PRSS23: variants seen among roughly 807,000 people sequenced by gnomAD.
The protein encoded by PRSS23 is protease, serine 23.
PRSS23 carries 25 observed loss-of-function variants against 34.7 expected under a neutral mutation model. That is an observed-to-expected ratio of 0.72 (90% CI 0.53 to 1.01). PRSS23 has a LOEUF of 1.01. Among genes scored for constraint, PRSS23 ranks in the 50% least tolerant of loss-of-function variants. The probability of loss-of-function intolerance (pLI) is 0.00; values close to 1 mark genes in which losing one functional copy is unlikely to be tolerated. For synonymous variants in PRSS23, 176 were observed against 186.6 expected (o/e 0.94, Z 0.46); for missense variants, 445 against 475.6 (o/e 0.94, Z 0.60).
intron 1 of PRSS23, chr11:86,821,594 C>T (rs760574323): frequency 1.9e-6 from 3 of 1,606,806 alleles, no homozygotes; most frequent in Non-Finnish European, 2.6e-6. Context: ...TAGCTCAAGA[C>T]AGAATTCCCT....
At chr11:86,952,515 T>A in exon 3 of PRSS23, 2 of 1,600,400 alleles carry the variant, frequency 1.2e-6, no homozygotes, top group South Asian at 2.2e-5. Flanking sequence ...AACAATGACT[T>A]GGAAGTTTGA....
intron 2 of PRSS23, among the ~76,000 whole-genome samples, chr11:86,839,069 C>A (rs1019722892): frequency 6.6e-4 from 92 of 138,910 alleles, no homozygotes; most frequent in South Asian, 2.1e-3. Flanking sequence ...AAAAAAAAAA[C>A]AACAGAGCGC....
At chr11:86,866,732 G>T (rs981606394) in intron 2 of PRSS23, among the ~76,000 whole-genome samples, 21 of 152,166 alleles carry the variant, frequency 1.4e-4, no homozygotes, top group Non-Finnish European at 2.4e-4. Flanking sequence ...AATCCCTCAT[G>T]AATAGATTGA....
chr11:86,814,761 C>T (rs138450114), downstream of PRSS23, among the ~76,000 whole-genome samples: 1 of 152,170 alleles, frequency 6.6e-6, no homozygotes, highest in Admixed American at 6.5e-5. Context: ...ACACTTGGGA[C>T]AGCTCTGCCC....
Position 86,879,312 on chromosome 11 carries a change from G to A in PRSS23, c.206+55719G>A, listed in dbSNP as rs1428751872. On this transcript the variant is annotated intron_variant, in intron 2 of 2. Transcript: ENST00000533902. Reference sequence around the variant, plus strand: ...AGGTGAGGAGCGTCTCTGCCCAGCCGCCCCGTCTGAGAAGTGAGGAGACCC... The same window carrying A: ...AGGTGAGGAGCGTCTCTGCCCAGCCACCCCGTCTGAGAAGTGAGGAGACCC... 1.5e-4 allele frequency among the ~76,000 whole-genome samples: 22 copies of A among 147,262 alleles called. 1 individual carries two copies. The highest frequency in any genetic ancestry group is 4.8e-4 in the African/African-American group (19 of 39,572).
intron 2 of PRSS23, among the ~76,000 whole-genome samples, chr11:86,876,720 T>C (rs1274002045): frequency 1.0e-5 from 1 of 100,238 alleles, no homozygotes; most frequent in Non-Finnish European, 1.9e-5. Flanking sequence ...TATATAACAG[T>C]TAACATTGCA....
intron 2 of PRSS23, chr11:86,909,829 GTCA>G (rs1358325517): frequency 6.6e-6 from 1 of 152,118 alleles, no homozygotes; most frequent in African/African-American, 2.4e-5. Flanking sequence ...CTTTACCCTC[GTCA>G]ACCACTGACA....
chr11:86,874,788 G>A (rs1948711344), intron 2 of PRSS23, among the ~76,000 whole-genome samples: 1 of 152,192 alleles, frequency 6.6e-6, no homozygotes, highest in South Asian at 2.1e-4. Context: ...GCTCCACAAT[G>A]TCTGAGGCCT....
intron 2 of PRSS23, among the ~76,000 whole-genome samples, chr11:86,824,536 A>G (rs1220603795): frequency 6.6e-6 from 1 of 150,614 alleles, no homozygotes; most frequent in East Asian, 1.9e-4. Flanking sequence ...TGTGCAGGTT[A>G]GTTACATATG....
intron 2 of PRSS23, among the ~76,000 whole-genome samples, chr11:86,938,388 G>A (rs1008853747): frequency 1.3e-5 from 2 of 152,142 alleles, no homozygotes; most frequent in African/African-American, 4.8e-5. Context: ...AAGAAGAAGA[G>A]GAAACACTTA....
chr11:86,849,937 C>T (rs570554698), intron 2 of PRSS23, among the ~76,000 whole-genome samples: 1 of 151,220 alleles, frequency 6.6e-6, no homozygotes, highest in South Asian at 2.1e-4. Flanking sequence ...GAGGAGGAAC[C>T]TACCTCTTAG....
intron 2 of PRSS23, among the ~76,000 whole-genome samples, chr11:86,882,133 C>A (rs895748773): frequency 1.3e-5 from 2 of 152,178 alleles, no homozygotes; most frequent in East Asian, 1.9e-4. Flanking sequence ...TTTACTTACA[C>A]CTGCCTTGGG....
chr11:86,869,091 G>C (rs1431508093), intron 2 of PRSS23, among the ~76,000 whole-genome samples: 3 of 152,190 alleles, frequency 2.0e-5, no homozygotes, highest in East Asian at 3.9e-4. Context: ...ACTGCTCCCT[G>C]CCAATTTTGG....
At chr11:86,922,470 T>TA (rs1290324503) in intron 2 of PRSS23, among the ~76,000 whole-genome samples, 3 of 142,532 alleles carry the variant, frequency 2.1e-5, no homozygotes, top group South Asian at 4.4e-4. Context: ...ACCCCATCTC[T>TA]AAAAAAAATA....
At position 86,854,282 on chromosome 11, in the gene PRSS23, G is replaced by A. The variant is rs1174138871; in HGVS notation, c.206+30689G>A. ...CCCAAAGTGCCGGGATTACAGGTGT[G>A]AGCCCCCGCACCTGGCCGCTATATC... On this transcript the variant is annotated intron_variant, in intron 2 of 2. Transcript: ENST00000533902. Among the ~76,000 whole-genome samples the A allele has an allele frequency of 5.3e-5, 8 of 152,292 alleles. No individual in the cohort carries two copies. The South Asian group carries it at 6.2e-4, about 12-fold the overall frequency.
chr11:86,840,278 AAAAC>A (rs564155464), intron 2 of PRSS23, among the ~76,000 whole-genome samples: 213 of 152,328 alleles, frequency 1.4e-3, no homozygotes, highest in Middle Eastern at 3.4e-3. Context: ...AATGGAAAGC[AAAAC>A]AAACAAACAA....
intron 2 of PRSS23, among the ~76,000 whole-genome samples, chr11:86,887,818 G>A (rs567894822): frequency 1.3e-5 from 2 of 152,182 alleles, no homozygotes; most frequent in East Asian, 1.9e-4. Context: ...TTGGGAGGCC[G>A]AGGTGGGCAG....
intron 2 of PRSS23, among the ~76,000 whole-genome samples, chr11:86,855,375 C>T (rs1433340433): frequency 6.6e-6 from 1 of 152,098 alleles, no homozygotes; most frequent in East Asian, 1.9e-4. Flanking sequence ...AACAGTCGAA[C>T]TCATTTATTC....
In PRSS23 at chr11:86,807,778, C is replaced by G. The variant is rs1196943360; in HGVS notation, c.135C>G (p.Thr45=). The G allele has an allele frequency of 1.9e-6, 3 of 1,614,024 alleles. No homozygotes were observed. Among genetic ancestry groups the G allele is most frequent in the African/African-American group, 2.7e-5 (2 of 74,894 alleles). Residue 45 remains threonine, a synonymous_variant, in exon 2 of 2, where the codon ACC becomes ACG. Coordinates refer to ENST00000280258, the MANE Select transcript of PRSS23 (RefSeq NM_007173.6). ...TCCCTGTCGTCTTGCCCCAGTCTAC[C>G]CTCAATTTAGCCAAGCCAGACTTTG... ...YRLPVVLPQS[T]LNLAKPDFGA...
Sources: gnomAD v4.1 joint callset for allele counts (sites outside exome capture counted in the v4.1 genomes callset) on GRCh38, gnomAD v4.1.1 for gene constraint, MANE v1.5 for transcripts, NCBI Gene and HGNC (gene_info 2026-07-23, HGNC 2026-07-21) for gene names.